Variants in SHISA9 observed in about 807,000 individuals in gnomAD.
SHISA9 encodes shisa family member 9.
A neutral mutation model predicts 38.0 loss-of-function variants in SHISA9; 13 were observed. The observed-to-expected ratio is 0.34, with a 90% CI of 0.22 to 0.54. SHISA9 has a LOEUF of 0.54. Ranked by LOEUF, SHISA9 falls within the 20% of genes least tolerant of loss-of-function variation. SHISA9 has a pLI of 0.91. For missense variants in SHISA9, 538 were observed against 575.8 expected (o/e 0.93, Z 0.67); for synonymous variants, 275 against 242.0 (o/e 1.14, Z -1.27).
the SHISA9 span, among the ~76,000 whole-genome samples, chr16:13,455,442 CAGTAAAA>C: frequency 1.3e-5 from 2 of 152,078 alleles, no homozygotes; most frequent in East Asian, 3.8e-4. Flanking sequence ...ATGTAGAAAC[CAGTAAAA>C]AGGAGTCCAA....
downstream of SHISA9, among the ~76,000 whole-genome samples, chr16:13,244,781 T>C (rs543915618): frequency 7.4e-4 from 113 of 152,296 alleles, no homozygotes; most frequent in African/African-American, 2.6e-3. Flanking sequence ...TAACATGAGG[T>C]TTCAAAGTAT....
the SHISA9 span, among the ~76,000 whole-genome samples, chr16:13,424,996 T>C: frequency 2.0e-5 from 3 of 152,214 alleles, no homozygotes; most frequent in Non-Finnish European, 2.9e-5. Flanking sequence ...CCACTCCATA[T>C]ATATACCATG....
chr16:13,034,999 T>A (rs1256003432), intron 2 of SHISA9, among the ~76,000 whole-genome samples: 1 of 152,184 alleles, frequency 6.6e-6, no homozygotes, highest in Admixed American at 6.5e-5. Flanking sequence ...ATGCTTTTTT[T>A]AAAAGAAAAA....
chr16:13,363,753 G>A, the SHISA9 span, among the ~76,000 whole-genome samples: 2 of 152,178 alleles, frequency 1.3e-5, no homozygotes, highest in East Asian at 3.9e-4. Context: ...AGCATGCATT[G>A]CTTGGTGGTT....
At chr16:13,304,693 T>C in the SHISA9 span, among the ~76,000 whole-genome samples, 20 of 152,308 alleles carry the variant, frequency 1.3e-4, no homozygotes, top group African/African-American at 4.6e-4. Context: ...CCCGCAACAA[T>C]CTTATGAGGT....
intron 2 of SHISA9, among the ~76,000 whole-genome samples, chr16:13,131,317 C>T (rs2050304741): frequency 1.3e-5 from 2 of 152,148 alleles, no homozygotes; most frequent in Admixed American, 1.3e-4. Flanking sequence ...TTTACAGGGA[C>T]ATGGATGGAG....
At chr16:13,384,154 T>A in the SHISA9 span, among the ~76,000 whole-genome samples, 2 of 152,158 alleles carry the variant, frequency 1.3e-5, no homozygotes, top group African/African-American at 4.8e-5. Flanking sequence ...GTCTAGCAAA[T>A]TTCATTCTTC....
chr16:13,414,989 G>A, the SHISA9 span, among the ~76,000 whole-genome samples: 1 of 152,116 alleles, frequency 6.6e-6, no homozygotes, highest in Non-Finnish European at 1.5e-5. Context: ...TGGAAGTGAA[G>A]TACAGAAACA....
the SHISA9 span, among the ~76,000 whole-genome samples, chr16:13,553,800 C>G: frequency 6.6e-6 from 1 of 152,190 alleles, no homozygotes; most frequent in Non-Finnish European, 1.5e-5. Flanking sequence ...TTAGTTAGCG[C>G]CAATTAACTC....
intron 2 of SHISA9, among the ~76,000 whole-genome samples, chr16:12,961,498 C>A (rs2071911870): frequency 6.6e-6 from 1 of 152,132 alleles, no homozygotes; most frequent in African/African-American, 2.4e-5. Context: ...CATATTACCT[C>A]CTCACAATGG....
intron 2 of SHISA9, among the ~76,000 whole-genome samples, chr16:13,181,304 TATATATATACAC>T (rs1316798449): frequency 3.1e-3 from 134 of 42,748 alleles, no homozygotes; most frequent in East Asian, 0.018. Flanking sequence ...TATATATATA[TATATATATACAC>T]ACACACACAC....
rs2071264350 is a variant in SHISA9 at position 12,916,772 on chromosome 16, G to T, written c.648G>T (p.Gln216His). ...ACCTAAACATCGTTGTCCACGTCCA[G>T]CATTATGAGAACATGGACACGAGAA... ...ERDLNIVVHV[Q>H]HYENMDTRTP... The change falls in exon 2 of 5, where the codon CAG (glutamine) becomes CAT (histidine). Residue 216 changes from glutamine (Q) to histidine (H), a missense_variant. Physicochemically the swap from Gln to His is conservative, Grantham distance 24. Coordinates refer to ENST00000558583, the MANE Select transcript of SHISA9 (RefSeq NM_001145204.3). The T allele has an allele frequency of 6.4e-7, 1 of 1,551,992 alleles. No homozygotes were observed. Among genetic ancestry groups the T allele is most frequent in the Non-Finnish European group, 8.7e-7 (1 of 1,147,050 alleles).
chr16:12,980,824 C>G (rs925238340), intron 2 of SHISA9, among the ~76,000 whole-genome samples: 1 of 151,824 alleles, frequency 6.6e-6, no homozygotes, highest in East Asian at 1.9e-4. Context: ...TTAGCTGTAT[C>G]CATTTTGTGT....
chr16:13,541,011 A>T, the SHISA9 span, among the ~76,000 whole-genome samples: 3 of 152,148 alleles, frequency 2.0e-5, no homozygotes, highest in Non-Finnish European at 2.9e-5. Flanking sequence ...CAGACCTACT[A>T]CCCGGGTGTC....
At chr16:13,019,833 TTTTTCC>T (rs2072809537) in intron 2 of SHISA9, among the ~76,000 whole-genome samples, 2 of 109,618 alleles carry the variant, frequency 1.8e-5, no homozygotes, top group Admixed American at 8.8e-5. Context: ...TCTTTCTTTC[TTTTTCC>T]TTCCTTCCCT....
In SHISA9 at chr16:13,216,642, G is replaced by T. The variant is rs138057201; in HGVS notation, c.895+3342G>T. Among the ~76,000 whole-genome samples, 16 of 152,260 alleles carry T rather than the reference G, an allele frequency of 1.1e-4. No individual in the cohort carries two copies. The East Asian group carries it at 3.1e-3, about 29-fold the overall frequency. ...GCTGGGAACCTACTTTGGGAACATA[G>T]GGCGTGGGCAGAGAAGTAGGTAGAG... On this transcript the variant is annotated intron_variant, in intron 4 of 4. Coordinates refer to ENST00000558583, the MANE Select transcript of SHISA9 (RefSeq NM_001145204.3).
intron 2 of SHISA9, among the ~76,000 whole-genome samples, chr16:13,116,479 A>G (rs544702016): frequency 9.2e-5 from 14 of 152,292 alleles, no homozygotes; most frequent in Admixed American, 9.2e-4. Context: ...AAGTGATTTG[A>G]GAAGGTGCAG....
the SHISA9 span, among the ~76,000 whole-genome samples, chr16:13,426,819 A>G: frequency 6.6e-6 from 1 of 152,248 alleles, no homozygotes; most frequent in African/African-American, 2.4e-5. Flanking sequence ...AATGGCGTTG[A>G]CAGTAATTAA....
At chr16:13,465,964 A>G in the SHISA9 span, among the ~76,000 whole-genome samples, 1 of 152,258 alleles carries the variant, frequency 6.6e-6, no homozygotes, top group Non-Finnish European at 1.5e-5. Flanking sequence ...CATGGCCTGA[A>G]AGGCCCACAT....
Sources: allele counts gnomAD v4.1 joint callset (sites outside exome capture counted in the v4.1 genomes callset), GRCh38; gene constraint gnomAD v4.1.1; transcripts MANE v1.5; gene names NCBI Gene and HGNC (gene_info 2026-07-23, HGNC 2026-07-21).